The following RARB variants were observed in gnomAD, a reference collection of about 807,000 sequenced individuals.
RARB encodes the protein HBV-activated protein.
RARB carries 17 observed loss-of-function variants against 51.9 expected under a neutral mutation model. That is an observed-to-expected ratio of 0.33 (90% CI 0.22 to 0.49). The LOEUF (loss-of-function observed/expected upper bound fraction) is 0.49. Ranked by LOEUF, RARB falls within the 20% of genes least tolerant of loss-of-function variation. The pLI is 0.99. For missense variants in RARB, 369 were observed against 550.8 expected, an observed-to-expected ratio of 0.67 and a Z score of 3.30; for synonymous variants, 215 against 195.4, an observed-to-expected ratio of 1.10 and a Z score of -0.84.
intron 5 of RARB, among the ~76,000 whole-genome samples, chr3:25,585,267 G>A (rs552541647): frequency 9.2e-5 from 14 of 152,112 alleles, no homozygotes; most frequent in Non-Finnish European, 1.9e-4. Flanking sequence ...TTGTTAAGTC[G>A]CACTATGCCC....
At position 25,500,454 on chromosome 3, in the gene RARB, G is replaced by GTTTTTTTTTTTTTTT. The variant is rs753321842; in HGVS notation, c.307-715_307-701dup. Among the ~76,000 whole-genome samples the GTTTTTTTTTTTTTTT allele has an allele frequency of 1.1e-3, 70 of 66,134 alleles. 1 individual carries two copies. Among genetic ancestry groups the GTTTTTTTTTTTTTTT allele is most frequent in the African/African-American group, 1.6e-3 (28 of 17,696 alleles). The allele number at this position is 66,134 out of a possible 152,430, so 43.4% of individuals were successfully genotyped here. A position where few individuals can be genotyped will look rare whatever the true frequency, so the allele number is the denominator to read the frequency against. On this transcript the variant is annotated intron_variant, in intron 2 of 7. Transcript: ENST00000330688. ...ATAATTTCTTTTTCTTTCTTTTCTT[G>GTTTTTTTTTTTTTTT]TTTTTTTTTTTTTTTTTTTTTTTTT...
chr3:25,411,431 T>A (rs1448631025), intron 5 of RARB, among the ~76,000 whole-genome samples: 1 of 152,206 alleles, frequency 6.6e-6, no homozygotes, highest in Non-Finnish European at 1.5e-5. Context: ...CCAGTGCATG[T>A]TAAAACCATA....
At chr3:24,901,071 C>T (rs1327324718) in intron 2 of RARB, among the ~76,000 whole-genome samples, 1 of 152,116 alleles carries the variant, frequency 6.6e-6, no homozygotes, top group Non-Finnish European at 1.5e-5. Flanking sequence ...CTGTTAAATA[C>T]TCATTAGGTT....
chr3:24,832,652 A>ATATATATATATATATATATATATATAG (rs1491520085), intron 1 of RARB, among the ~76,000 whole-genome samples: 4 of 61,068 alleles, frequency 6.6e-5, no homozygotes, highest in African/African-American at 1.9e-4. Flanking sequence ...TATATATATA[A>ATATATATATATATATATATATATATAG]TGTCAATTAA....
At position 24,961,392 on chromosome 3, in the gene RARB, C is replaced by T. The variant is rs185037169; in HGVS notation, c.-379-98733C>T. On this transcript the variant is annotated intron_variant, in intron 2 of 11. Transcript: ENST00000383772. ...CACTGAAATCTCCCTAACAGACTAA[C>T]GGCTTCATCACTCAGCTTCATGGAT... Among the ~76,000 whole-genome samples the T allele has an allele frequency of 4.2e-3, 645 of 152,276 alleles. 3 individuals are homozygous for T. The highest frequency in any genetic ancestry group is 0.015 in the African/African-American group (608 of 41,552).
At chr3:24,830,028 G>T (rs1244113451) in intron 1 of RARB, among the ~76,000 whole-genome samples, 1 of 152,168 alleles carries the variant, frequency 6.6e-6, no homozygotes, top group Non-Finnish European at 1.5e-5. Flanking sequence ...AGCGGGTAGC[G>T]CCAGGCTGCA....
At chr3:24,882,881 G>A (rs1257943727) in intron 2 of RARB, among the ~76,000 whole-genome samples, 4 of 152,170 alleles carry the variant, frequency 2.6e-5, no homozygotes, top group Non-Finnish European at 5.9e-5. Flanking sequence ...ACAGAACTCT[G>A]ACCAATTACA....
At chr3:25,398,729 G>A (rs1332702802) in intron 5 of RARB, among the ~76,000 whole-genome samples, 1 of 152,098 alleles carries the variant, frequency 6.6e-6, no homozygotes, top group Non-Finnish European at 1.5e-5. Flanking sequence ...AAAGCACATT[G>A]TACATTCTAC....
intron 5 of RARB, among the ~76,000 whole-genome samples, chr3:25,271,472 A>G (rs1010782004): frequency 6.6e-6 from 1 of 152,234 alleles, no homozygotes; most frequent in African/African-American, 2.4e-5. Context: ...GGCCAAAGGC[A>G]TCTACATTAG....
intron 2 of RARB, among the ~76,000 whole-genome samples, chr3:24,866,448 G>A (rs986354909): frequency 2.6e-5 from 4 of 152,058 alleles, no homozygotes; most frequent in Non-Finnish European, 5.9e-5. Context: ...ACAAGGCAAG[G>A]CACTCTGGAT....
chr3:25,590,615 G>A (rs1340491262), intron 5 of RARB, among the ~76,000 whole-genome samples: 1 of 152,100 alleles, frequency 6.6e-6, no homozygotes, highest in Non-Finnish European at 1.5e-5. Flanking sequence ...CCCCCTCCCA[G>A]TTCAAGAGAT....
chr3:25,061,694 A>G (rs1462165916), intron 3 of RARB, among the ~76,000 whole-genome samples: 1 of 151,834 alleles, frequency 6.6e-6, no homozygotes, highest in African/African-American at 2.4e-5. Context: ...TAATAATAAT[A>G]TGTTGATCCA....
At chr3:25,083,673 A>T (rs890204650) in intron 3 of RARB, among the ~76,000 whole-genome samples, 1 of 151,736 alleles carries the variant, frequency 6.6e-6, no homozygotes, top group Non-Finnish European at 1.5e-5. Context: ...TTTTTTCAAG[A>T]TTTTGTTTTC....
intron 5 of RARB, among the ~76,000 whole-genome samples, chr3:25,259,554 A>C (rs994619960): frequency 6.6e-6 from 1 of 152,146 alleles, no homozygotes; most frequent in Admixed American, 6.6e-5. Context: ...CCTACAGCAG[A>C]GCATTGCAGT....
chr3:24,989,638 CTTAT>C lies in RARB; in HGVS notation c.-379-70483_-379-70480del, dbSNP rs538226880. Among the ~76,000 whole-genome samples the C allele has an allele frequency of 2.8e-3, 303 of 107,904 alleles. 86 individuals carry two copies. The highest frequency in any genetic ancestry group is 0.011 in the African/African-American group (292 of 27,764). The allele number at this position is 107,904 out of a possible 152,430, so 70.8% of individuals were successfully genotyped here. On this transcript the variant is annotated intron_variant, in intron 2 of 11. Transcript: ENST00000383772. Reference sequence around the variant, plus strand: ...CCAGATTATCTCATCTTTTATTTCTCTTATTTACTCTTTTCTTTTTAGACATTTT... The same window carrying C: ...CCAGATTATCTCATCTTTTATTTCTCTTACTCTTTTCTTTTTAGACATTTT...
intron 2 of RARB, among the ~76,000 whole-genome samples, chr3:24,962,504 G>A (rs58737252): frequency 0.039 from 5,901 of 152,156 alleles, 249 homozygotes; most frequent in African/African-American, 0.097. Flanking sequence ...CCCAATCCCC[G>A]GGCCACAGAC....
intron 3 of RARB, among the ~76,000 whole-genome samples, chr3:25,104,833 A>T (rs1182380447): frequency 1.3e-5 from 2 of 152,240 alleles, no homozygotes; most frequent in Admixed American, 6.5e-5. Context: ...CATGTTTAAT[A>T]GTACATACTG....
intron 3 of RARB, among the ~76,000 whole-genome samples, chr3:25,532,814 T>C (rs567640829): frequency 6.2e-4 from 94 of 152,206 alleles, no homozygotes; most frequent in Non-Finnish European, 1.3e-3. Flanking sequence ...AGCCACAAGA[T>C]GAGAGAATTC....
intron 4 of RARB, among the ~76,000 whole-genome samples, chr3:25,137,835 A>C (rs1700055142): frequency 6.6e-6 from 1 of 152,114 alleles, no homozygotes; most frequent in Non-Finnish European, 1.5e-5. Flanking sequence ...CTTTCGGCCC[A>C]CAGCCATGAC....
Sources: allele counts gnomAD v4.1 joint callset (sites outside exome capture counted in the v4.1 genomes callset), GRCh38; gene constraint gnomAD v4.1.1; transcripts MANE v1.5; gene names NCBI Gene and HGNC (gene_info 2026-07-23, HGNC 2026-07-21).